HELQ: variants seen among roughly 807,000 people sequenced by gnomAD.
The protein encoded by HELQ is helicase, POLQ like.
Under a neutral mutation model 111.6 loss-of-function variants are expected in HELQ, and 77 were observed. The observed-to-expected ratio is 0.69, with a 90% CI of 0.57 to 0.83. HELQ has a LOEUF of 0.83. Ranked by LOEUF, HELQ falls within the 40% of genes least tolerant of loss-of-function variation. The pLI is 0.00. For missense variants in HELQ, 1,200 were observed against 1,288.5 expected, an observed-to-expected ratio of 0.93 and a Z score of 1.05; for synonymous variants, 438 against 454.7, an observed-to-expected ratio of 0.96 and a Z score of 0.47.
At position 83,429,564 on chromosome 4, in the gene HELQ, A is replaced by G; in HGVS notation, c.2478T>C (p.Tyr826=). The part of the protein sequence containing the change: ...TIYKSEEEVQ[Y]NFHITKLGRA... ...GTCCCAACTTTGTAATATGAAAATT[A>G]TATTGGACCTCTTCTTCAGACTTAT... is the stretch of plus-strand genomic sequence containing the variant. The change falls in exon 12 of 18, where the codon TAT becomes TAC. Residue 826 remains tyrosine (Y), a synonymous_variant. Transcript: ENST00000295488. The G allele has an allele frequency of 6.2e-7, 1 of 1,611,720 alleles. No homozygotes were observed. The highest frequency in any genetic ancestry group is 1.9e-4 in the Middle Eastern group (1 of 5,334).
intron 5 of HELQ, among the ~76,000 whole-genome samples, chr4:83,444,847 A>G (rs867986562): frequency 1.3e-5 from 2 of 152,252 alleles, no homozygotes; most frequent in Non-Finnish European, 2.9e-5. Context: ...GAGCTATTAA[A>G]GAATGGTAAA....
chr4:83,437,953 T>C (rs528928473), intron 8 of HELQ, among the ~76,000 whole-genome samples: 7 of 152,314 alleles, frequency 4.6e-5, no homozygotes, highest in Admixed American at 3.3e-4. Flanking sequence ...TCCATCTTAT[T>C]ACCTTGAATT....
At chr4:83,440,816 T>G (rs777295861) in intron 7 of HELQ, among the ~76,000 whole-genome samples, 1 of 152,242 alleles carries the variant, frequency 6.6e-6, no homozygotes, top group African/African-American at 2.4e-5. Context: ...CTTTACAGTT[T>G]TGTTAATTAA....
At chr4:83,444,198 G>A (rs556326060) in intron 5 of HELQ, among the ~76,000 whole-genome samples, 2 of 152,214 alleles carry the variant, frequency 1.3e-5, no homozygotes, top group Non-Finnish European at 2.9e-5. Context: ...AATAATAAAT[G>A]AGTATAAATC....
intron 11 of HELQ, 35 bp from the exon 12 acceptor site, chr4:83,429,781 C>T (rs1425309550): frequency 6.9e-7 from 1 of 1,444,226 alleles, no homozygotes; most frequent in African/African-American, 1.4e-5. Context: ...GAGCATTTTC[C>T]TTAATTCAAG....
chr4:83,431,020 T>A (rs543753311), intron 11 of HELQ, among the ~76,000 whole-genome samples: 59 of 152,224 alleles, frequency 3.9e-4, no homozygotes, highest in African/African-American at 1.4e-3. Context: ...GCTTCTCAAA[T>A]CCAGATTCTC....
intron 14 of HELQ, 74 bp from the exon 15 acceptor site, chr4:83,421,810 GA>G (rs2109974312): frequency 1.7e-6 from 2 of 1,148,378 alleles, no homozygotes; most frequent in Non-Finnish European, 2.6e-6. Flanking sequence ...TGGACAAAAG[GA>G]AAACTGAAGT....
intron 9 of HELQ, 106 bp from the exon 10 acceptor site, chr4:83,432,373 C>A (rs1720199925): frequency 5.5e-6 from 4 of 721,444 alleles, no homozygotes; most frequent in Non-Finnish European, 7.9e-6. Context: ...CATACTAACA[C>A]AAAATAATAG....
intron 17 of HELQ, among the ~76,000 whole-genome samples, chr4:83,413,841 C>A (rs1578063949): frequency 6.6e-6 from 1 of 152,210 alleles, no homozygotes; most frequent in African/African-American, 2.4e-5. Flanking sequence ...CCCCAGTTGC[C>A]TCCAATTATC....
chr4:83,430,656 A>T (rs1199513195), intron 11 of HELQ, among the ~76,000 whole-genome samples: 1 of 152,196 alleles, frequency 6.6e-6, no homozygotes, highest in East Asian at 1.9e-4. Context: ...TTTAAGTCGT[A>T]ATTTCATATT....
chr4:83,441,770 CTTTT>C (rs34655032), intron 6 of HELQ, among the ~76,000 whole-genome samples: 4 of 123,850 alleles, frequency 3.2e-5, no homozygotes, highest in Non-Finnish European at 1.7e-5. Flanking sequence ...AAAACTTTGT[CTTTT>C]TTTTTTTTTT....
chr4:83,438,466 C>T (rs866864217), intron 8 of HELQ, among the ~76,000 whole-genome samples: 14 of 152,144 alleles, frequency 9.2e-5, no homozygotes, highest in East Asian at 1.9e-4. Flanking sequence ...GCAGGCCAGG[C>T]GCAGTGGCTC....
chr4:83,433,841 C>T (rs2109990673), intron 9 of HELQ, among the ~76,000 whole-genome samples: 1 of 151,226 alleles, frequency 6.6e-6, no homozygotes, highest in East Asian at 2.0e-4. Flanking sequence ...AACTAAAAAA[C>T]ATTGTGTTGT....
intron 15 of HELQ, among the ~76,000 whole-genome samples, chr4:83,420,274 T>A (rs1739596793): frequency 6.6e-6 from 1 of 152,166 alleles, no homozygotes; most frequent in African/African-American, 2.4e-5. Context: ...AAAATACACA[T>A]TTGATGTAAA....
At chr4:83,413,683 G>C (rs1739219624) in intron 17 of HELQ, among the ~76,000 whole-genome samples, 1 of 152,148 alleles carries the variant, frequency 6.6e-6, no homozygotes, top group South Asian at 2.1e-4. Flanking sequence ...TTCTGAGGTT[G>C]GCTCAGAAGA....
intron 17 of HELQ, among the ~76,000 whole-genome samples, chr4:83,410,427 T>C (rs1008653054): frequency 6.6e-6 from 1 of 152,220 alleles, no homozygotes; most frequent in South Asian, 2.1e-4. Flanking sequence ...CAAAAAGTGC[T>C]GTAAATAAAT....
intron 8 of HELQ, among the ~76,000 whole-genome samples, chr4:83,439,241 A>T (rs1367337725): frequency 6.7e-6 from 1 of 149,510 alleles, no homozygotes; most frequent in Non-Finnish European, 1.5e-5. Flanking sequence ...CTAATTTGGT[A>T]TTTTCAGTAG....
chr4:83,431,765 A>G lies in HELQ; in HGVS notation c.2194T>C (p.Leu732=). Residue 732 remains leucine (L), a synonymous_variant, in exon 11 of 18, where the codon TTG becomes CTG. Coordinates refer to ENST00000295488, the MANE Select transcript of HELQ (RefSeq NM_133636.5). ...ILQEKDKQQV[L]ELITKPLENC... is the part of the protein sequence containing the mutation. The stretch of plus-strand genomic sequence containing the variant: ...TCCAATGGTTTAGTTATTAACTCCA[A>G]TACCTATAAAGGTTAAAGCAAAACC... 1 of 1,427,180 alleles carries G rather than the reference A, an allele frequency of 7.0e-7. No individual in the cohort carries two copies. Among genetic ancestry groups the G allele is most frequent in the Non-Finnish European group, 9.5e-7 (1 of 1,055,888 alleles). 88.4% of individuals were successfully genotyped at this position (1,427,180 alleles called of 1,614,324 possible).
intron 17 of HELQ, among the ~76,000 whole-genome samples, chr4:83,415,269 T>C (rs941810133): frequency 2.6e-5 from 4 of 151,970 alleles, no homozygotes; most frequent in African/African-American, 9.7e-5. Context: ...GATTATTTAA[T>C]ACAGATAAAA....
Sources: allele counts gnomAD v4.1 joint callset (sites outside exome capture counted in the v4.1 genomes callset), GRCh38; gene constraint gnomAD v4.1.1; transcripts MANE v1.5; gene names NCBI Gene and HGNC (gene_info 2026-07-23, HGNC 2026-07-21).